The following SGCZ variants were observed in gnomAD, a reference collection of about 807,000 sequenced individuals.
SGCZ encodes zeta-sarcoglycan.
Under a neutral mutation model 41.3 loss-of-function variants are expected in SGCZ, and 40 were observed. That is an observed-to-expected ratio of 0.97 (90% CI 0.75 to 1.26). The LOEUF (loss-of-function observed/expected upper bound fraction) is 1.26, where lower values mean the gene tolerates loss of function less well. SGCZ is among the 50% of genes most tolerant of loss of function. The pLI is 0.00. For synonymous variants in SGCZ, 206 were observed against 137.5 expected, an observed-to-expected ratio of 1.50 and a Z score of -3.49; for missense variants, 552 against 369.8, an observed-to-expected ratio of 1.49 and a Z score of -4.04.
At chr8:14,146,563 G>A (rs1803526435) in intron 5 of SGCZ, among the ~76,000 whole-genome samples, 1 of 152,002 alleles carries the variant, frequency 6.6e-6, no homozygotes, top group African/African-American at 2.4e-5. Context: ...CTGTAACAGT[G>A]GTGTGTTAAC....
At chr8:15,105,625 C>T (rs1399732915) in intron 1 of SGCZ, among the ~76,000 whole-genome samples, 1 of 152,104 alleles carries the variant, frequency 6.6e-6, no homozygotes. Context: ...ACAGGCCGTC[C>T]TTCAACATGT....
chr8:14,205,451 T>A (rs1387122020), intron 4 of SGCZ, among the ~76,000 whole-genome samples: 1 of 152,214 alleles, frequency 6.6e-6, no homozygotes, highest in East Asian at 1.9e-4. Context: ...AATGTCCAAT[T>A]GATACATGTT....
Position 14,930,710 on chromosome 8 carries a change from A to G in SGCZ, c.39+306875T>C, listed in dbSNP as rs999359313. 7.2e-5 allele frequency among the ~76,000 whole-genome samples: 11 copies of G among 152,014 alleles called. No homozygotes were observed. The East Asian group carries it at 1.9e-3, about 27-fold the overall frequency. On this transcript the variant is annotated intron_variant, in intron 1 of 7. Coordinates refer to ENST00000382080, the MANE Select transcript of SGCZ (RefSeq NM_139167.4). The stretch of plus-strand genomic sequence containing the variant: ...AGGGACATGGATGACGCTGGAAACC[A>G]TCATTCTCAGCAGACTAACACAGGA...
intron 1 of SGCZ, among the ~76,000 whole-genome samples, chr8:14,558,214 C>T (rs1043684415): frequency 3.3e-5 from 5 of 152,082 alleles, no homozygotes; most frequent in Admixed American, 3.3e-4. Flanking sequence ...GTTGGATTCA[C>T]AGCTGAATTC....
intron 3 of SGCZ, among the ~76,000 whole-genome samples, chr8:14,280,024 G>A (rs1451551488): frequency 6.6e-6 from 1 of 151,834 alleles, no homozygotes; most frequent in African/African-American, 2.4e-5. Flanking sequence ...TTTTTGAATG[G>A]TAGGAGTCAA....
intron 1 of SGCZ, among the ~76,000 whole-genome samples, chr8:15,210,050 C>T (rs1801190237): frequency 6.6e-6 from 1 of 152,126 alleles, no homozygotes; most frequent in South Asian, 2.1e-4. Flanking sequence ...ACTTCTTACT[C>T]ATTACCAAAA....
At chr8:14,574,109 C>A (rs1276204054) in intron 1 of SGCZ, among the ~76,000 whole-genome samples, 1 of 152,126 alleles carries the variant, frequency 6.6e-6, no homozygotes, top group African/African-American at 2.4e-5. Context: ...AGGGACTGAT[C>A]ACTCTCTAGC....
At chr8:14,207,302 T>A (rs1585231935) in intron 4 of SGCZ, among the ~76,000 whole-genome samples, 1 of 152,208 alleles carries the variant, frequency 6.6e-6, no homozygotes, top group African/African-American at 2.4e-5. Flanking sequence ...TATTAACTGA[T>A]AAGATAAATT....
chr8:14,109,416 G>T (rs1179676978), intron 5 of SGCZ, among the ~76,000 whole-genome samples: 1 of 151,956 alleles, frequency 6.6e-6, no homozygotes, highest in Non-Finnish European at 1.5e-5. Context: ...CTGTAATTTT[G>T]CATAAATGTC....
intron 5 of SGCZ, among the ~76,000 whole-genome samples, chr8:14,153,327 A>G (rs1803767479): frequency 6.6e-6 from 1 of 152,148 alleles, no homozygotes; most frequent in Non-Finnish European, 1.5e-5. Flanking sequence ...TCGGTCTGTA[A>G]GCCTATTCAA....
intron 2 of SGCZ, among the ~76,000 whole-genome samples, chr8:14,370,888 C>A (rs2117160780): frequency 6.6e-6 from 1 of 152,008 alleles, no homozygotes; most frequent in South Asian, 2.1e-4. Flanking sequence ...CTGTGTAATA[C>A]AAATGCAATA....
At chr8:15,184,321 G>C (rs952568954) in intron 1 of SGCZ, among the ~76,000 whole-genome samples, 1 of 152,048 alleles carries the variant, frequency 6.6e-6, no homozygotes, top group Non-Finnish European at 1.5e-5. Flanking sequence ...GTTGTAGTTA[G>C]GACACGAACA....
intron 1 of SGCZ, among the ~76,000 whole-genome samples, chr8:15,107,572 C>G (rs1466997810): frequency 6.6e-6 from 1 of 152,178 alleles, no homozygotes; most frequent in Non-Finnish European, 1.5e-5. Flanking sequence ...GCATGAGGCC[C>G]TCACCAGAAG....
At chr8:14,633,132 A>C (rs1010238568) in intron 1 of SGCZ, among the ~76,000 whole-genome samples, 3 of 152,016 alleles carry the variant, frequency 2.0e-5, no homozygotes, top group African/African-American at 7.2e-5. Context: ...ATGTTTGCTG[A>C]GTTAAAATGC....
intron 1 of SGCZ, among the ~76,000 whole-genome samples, chr8:15,071,391 G>A (rs965243472): frequency 6.6e-6 from 1 of 152,046 alleles, no homozygotes; most frequent in African/African-American, 2.4e-5. Context: ...GAGCAAGACT[G>A]GACTTTGGAA....
intron 6 of SGCZ, among the ~76,000 whole-genome samples, chr8:14,104,868 G>C (rs1393357559): frequency 6.6e-6 from 1 of 152,010 alleles, no homozygotes; most frequent in East Asian, 1.9e-4. Flanking sequence ...CCAATTATAT[G>C]ATTAATCTGC....
chr8:14,619,778 A>T (rs538182548), intron 1 of SGCZ, among the ~76,000 whole-genome samples: 1 of 152,290 alleles, frequency 6.6e-6, no homozygotes, highest in South Asian at 2.1e-4. Flanking sequence ...ACCACGCTCA[A>T]CGAAATAAAA....
At chr8:14,487,113 G>T (rs1479665833) in intron 2 of SGCZ, among the ~76,000 whole-genome samples, 2 of 152,242 alleles carry the variant, frequency 1.3e-5, no homozygotes, top group South Asian at 2.1e-4. Context: ...TTCCATAATG[G>T]AATCATTTGC....
chr8:15,029,741 T>A (rs565472323), intron 1 of SGCZ, among the ~76,000 whole-genome samples: 60 of 152,270 alleles, frequency 3.9e-4, no homozygotes, highest in African/African-American at 1.4e-3. Flanking sequence ...CAATTTTTGA[T>A]TATACTTTCT....
Sources: allele counts gnomAD v4.1 joint callset (sites outside exome capture counted in the v4.1 genomes callset), GRCh38; gene constraint gnomAD v4.1.1; transcripts MANE v1.5; gene names NCBI Gene and HGNC (gene_info 2026-07-23, HGNC 2026-07-21).